The following HIRA variants were observed in gnomAD, a reference collection of about 807,000 sequenced individuals.
HIRA encodes the protein protein HIRA.
In HIRA, 13 loss-of-function variants were observed where a neutral mutation model predicts 126.6. The observed-to-expected ratio is 0.10, with a 90% CI of 0.07 to 0.16. The LOEUF (loss-of-function observed/expected upper bound fraction) is 0.16. Ranked by LOEUF, HIRA falls within the 10% of genes least tolerant of loss-of-function variation. The pLI is 1.00. For synonymous variants in HIRA, 511 were observed against 520.0 expected, an observed-to-expected ratio of 0.98 and a Z score of 0.24; for missense variants, 834 against 1,314.4, an observed-to-expected ratio of 0.63 and a Z score of 5.65.
In HIRA at chr22:19,331,531, T is replaced by C; in HGVS notation, c.2963A>G (p.Lys988Arg). Residue 988 changes from lysine to arginine, a missense_variant, in exon 25 of 25, where the codon AAG becomes AGG. By Grantham distance (26) the Lys-to-Arg change is conservative (BLOSUM62 2). Coordinates refer to ENST00000263208, the MANE Select transcript of HIRA (RefSeq NM_003325.4). ...CTGCCCGATGACTGGTAGCAGCTCC[T>C]TCAGCAGCTCCCTCTTCCGCAGACC... ...VVGLRKRELL[K>R]ELLPVIGQNL... The C allele has an allele frequency of 6.2e-7, 1 of 1,608,708 alleles. No homozygotes were observed. The highest frequency in any genetic ancestry group is 1.1e-5 in the South Asian group (1 of 90,512).
chr22:19,345,593 A>T (rs1556008649), intron 24 of HIRA, among the ~76,000 whole-genome samples: 3 of 152,216 alleles, frequency 2.0e-5, no homozygotes, highest in Non-Finnish European at 4.4e-5. Flanking sequence ...GTTCCACCTC[A>T]GATCATCAGG....
At chr22:19,417,932 G>A (rs970579605) in intron 1 of HIRA, among the ~76,000 whole-genome samples, 2 of 152,188 alleles carry the variant, frequency 1.3e-5, no homozygotes, top group African/African-American at 4.8e-5. Flanking sequence ...AAGGAAAGTA[G>A]TTCTGATGCA....
At chr22:19,430,393 TGTG>T (rs936325834) in intron 1 of HIRA, 37 of 152,180 alleles carry the variant, frequency 2.4e-4, no homozygotes, top group African/African-American at 8.5e-4. Context: ...TCAGTTTAGT[TGTG>T]GTAGTAGAGA....
At chr22:19,407,134 G>T in intron 4 of HIRA, 50 bp downstream of exon 4, 1 of 1,458,302 alleles carries the variant, frequency 6.9e-7, no homozygotes. Context: ...ATAAAGACCA[G>T]CAAAGCAGCT....
At chr22:19,398,642 CTTT>C (rs1225484766) in intron 5 of HIRA, among the ~76,000 whole-genome samples, 2 of 152,222 alleles carry the variant, frequency 1.3e-5, no homozygotes, top group African/African-American at 2.4e-5. Flanking sequence ...ACATTCACTT[CTTT>C]GTGACTCCAT....
intron 18 of HIRA, among the ~76,000 whole-genome samples, chr22:19,357,642 T>C (rs1556013071): frequency 6.6e-6 from 1 of 152,188 alleles, no homozygotes. Context: ...GGCTGCTGCC[T>C]TCCCAGACAG....
Position 19,346,500 on chromosome 22 carries a change from G to A in HIRA, c.2937+4858C>T, listed in dbSNP as rs566738941. ...ATTCAGAATAGTGTTGAGATCAGGA[G>A]AGGACCTGGCAGAAGACACTGGGAT... On this transcript the variant is annotated intron_variant, in intron 24 of 24. Coordinates refer to ENST00000263208, the MANE Select transcript of HIRA (RefSeq NM_003325.4). Among the ~76,000 whole-genome samples the A allele has an allele frequency of 2.0e-5, 3 of 152,358 alleles. No individual in the cohort carries two copies. In the South Asian group the frequency reaches 6.2e-4, roughly 32 times the overall value.
chr22:19,343,211 G>A (rs1207406385), intron 24 of HIRA, among the ~76,000 whole-genome samples: 4 of 152,058 alleles, frequency 2.6e-5, no homozygotes, highest in African/African-American at 9.7e-5. Flanking sequence ...ATGTAAATAG[G>A]ATATTCAATA....
At chr22:19,380,826 G>C (rs529476611) in intron 13 of HIRA, among the ~76,000 whole-genome samples, 5 of 152,176 alleles carry the variant, frequency 3.3e-5, no homozygotes, top group Admixed American at 2.0e-4. Flanking sequence ...GTTTCACCAT[G>C]TTGGCCAGGC....
At chr22:19,363,364 T>C (rs534985490) in intron 15 of HIRA, among the ~76,000 whole-genome samples, 43 of 152,210 alleles carry the variant, frequency 2.8e-4, no homozygotes, top group Admixed American at 8.5e-4. Flanking sequence ...CCCAGCTACT[T>C]GGTAGGCTGA....
chr22:19,384,358 G>T (rs918812049), intron 12 of HIRA, among the ~76,000 whole-genome samples: 33 of 150,710 alleles, frequency 2.2e-4, no homozygotes, highest in African/African-American at 7.5e-4. Context: ...GATATCATGC[G>T]GTATTTGTCC....
chr22:19,385,802 G>T, intron 11 of HIRA, 66 bp from the exon 12 acceptor site: 1 of 1,463,042 alleles, frequency 6.8e-7, no homozygotes, highest in Non-Finnish European at 9.4e-7. Flanking sequence ...CTGCCCACCA[G>T]CAGGCAAACT....
intron 5 of HIRA, among the ~76,000 whole-genome samples, chr22:19,400,640 C>T (rs1356501757): frequency 2.0e-5 from 3 of 152,050 alleles, no homozygotes; most frequent in African/African-American, 7.2e-5. Flanking sequence ...CTATATAGCA[C>T]CTCCTTTTTA....
Position 19,356,283 on chromosome 22 carries a change from A to G in HIRA, c.2402T>C (p.Val801Ala). The G allele has an allele frequency of 6.2e-7, 1 of 1,613,878 alleles. No homozygotes were observed. The highest frequency in any genetic ancestry group is 8.5e-7 in the Non-Finnish European group (1 of 1,179,804). ...TAAATLSVWD[V>A]HRQVVVVKEE... is the part of the protein sequence containing the mutation. ...TTTCACCACAACCACCTGTCTGTGA[A>G]CATCCCTAGGAGGGAGACAGGGAAC... Residue 801 changes from valine (V) to alanine (A), a missense_variant, in exon 20 of 25, where the codon GTT (valine) becomes GCT (alanine). Transcript: ENST00000263208.
At chr22:19,401,707 T>C (rs2089269813) in intron 5 of HIRA, among the ~76,000 whole-genome samples, 1 of 152,174 alleles carries the variant, frequency 6.6e-6, no homozygotes, top group Non-Finnish European at 1.5e-5. Context: ...ACATCCCATA[T>C]TCAATGCACC....
At chr22:19,383,563 G>A in intron 13 of HIRA, 57 bp downstream of exon 13, 1 of 1,392,998 alleles carries the variant, frequency 7.2e-7, no homozygotes, top group Non-Finnish European at 1.0e-6. Flanking sequence ...GTTAACCGCT[G>A]AAAGAAGACA....
At chr22:19,379,174 G>A (rs1270644092) in intron 13 of HIRA, among the ~76,000 whole-genome samples, 2 of 151,344 alleles carry the variant, frequency 1.3e-5, no homozygotes, top group African/African-American at 4.8e-5. Flanking sequence ...CACCATGCCC[G>A]GCTAATTTTT....
chr22:19,421,935 G>C, intron 1 of HIRA, among the ~76,000 whole-genome samples: 1 of 152,060 alleles, frequency 6.6e-6, no homozygotes, highest in East Asian at 1.9e-4. Context: ...GCCTCCCAAA[G>C]TGCTGGGATT....
chr22:19,420,480 A>C (rs1333121179), intron 1 of HIRA, among the ~76,000 whole-genome samples: 1 of 150,908 alleles, frequency 6.6e-6, no homozygotes, highest in Non-Finnish European at 1.5e-5. Flanking sequence ...AAAAAAAAAA[A>C]ACCAAACCAA....
Sources: allele counts gnomAD v4.1 joint callset (sites outside exome capture counted in the v4.1 genomes callset), GRCh38; gene constraint gnomAD v4.1.1; transcripts MANE v1.5; gene names NCBI Gene and HGNC (gene_info 2026-07-23, HGNC 2026-07-21).